ANKRD44: variants seen among roughly 807,000 people sequenced by gnomAD.
ANKRD44 encodes the protein serine/threonine-protein phosphatase 6 regulatory ankyrin repeat subunit B.
Under a neutral mutation model 116.0 loss-of-function variants are expected in ANKRD44, and 35 were observed. The observed-to-expected ratio is 0.30, with a 90% CI of 0.23 to 0.40. The LOEUF (loss-of-function observed/expected upper bound fraction) is 0.40. Ranked by LOEUF, ANKRD44 falls within the 10% of genes least tolerant of loss-of-function variation. ANKRD44 has a pLI of 1.00. For synonymous variants in ANKRD44, 435 were observed against 461.8 expected (o/e 0.94, Z 0.74); for missense variants, 1,014 against 1,242.6 (o/e 0.82, Z 2.77).
chr2:196,986,596 G>A (rs1446332455), downstream of ANKRD44: 1 of 566,990 alleles, frequency 1.8e-6, no homozygotes, highest in Non-Finnish European at 2.2e-6. Flanking sequence ...TTTGGCTTGA[G>A]GGGGTGCAAA....
intron 21 of ANKRD44, among the ~76,000 whole-genome samples, chr2:197,005,072 T>A (rs1042249195): frequency 6.6e-6 from 1 of 152,118 alleles, no homozygotes; most frequent in African/African-American, 2.4e-5. Flanking sequence ...ATTATTTATA[T>A]TTTCAAAGGA....
In ANKRD44 at chr2:197,119,175, AC is replaced by A. The variant is rs201827137; in HGVS notation, c.906+2156del. Among the ~76,000 whole-genome samples the A allele has an allele frequency of 3.6e-5, 3 of 82,228 alleles. No individual in the cohort carries two copies. The Admixed American group carries it at 4.8e-4, about 13-fold the overall frequency. The allele number at this position is 82,228 out of a possible 152,430, so 53.9% of individuals were successfully genotyped here. On this transcript the variant is annotated intron_variant, in intron 8 of 27. Coordinates refer to ENST00000282272, the MANE Select transcript of ANKRD44 (RefSeq NM_001195144.2). ...TTGTTTTGTTTTATAAATGTTTAAGACTTTTTTGTAGTCATATATATGATTA... is the reference window on the plus strand; with the variant it reads ...TTGTTTTGTTTTATAAATGTTTAAGATTTTTTGTAGTCATATATATGATTA...
intron 3 of ANKRD44, among the ~76,000 whole-genome samples, chr2:197,139,897 TGA>T (rs2079317931): frequency 7.6e-6 from 1 of 131,308 alleles, no homozygotes; most frequent in Non-Finnish European, 1.6e-5. Flanking sequence ...TGTGTGTGTG[TGA>T]AACGGAGTCT....
chr2:197,193,260 T>C (rs1282738255), intron 1 of ANKRD44, among the ~76,000 whole-genome samples: 1 of 152,182 alleles, frequency 6.6e-6, no homozygotes, highest in Non-Finnish European at 1.5e-5. Flanking sequence ...CTTTGGGTGT[T>C]TCTCTGCTCT....
chr2:197,066,288 C>T (rs1381468372), intron 16 of ANKRD44, among the ~76,000 whole-genome samples: 8 of 152,216 alleles, frequency 5.3e-5, no homozygotes, highest in African/African-American at 2.4e-5. Flanking sequence ...TGGGACATAT[C>T]TCAAAATATT....
chr2:197,271,702 C>G (rs1246306478), intron 1 of ANKRD44, among the ~76,000 whole-genome samples: 2 of 152,106 alleles, frequency 1.3e-5, no homozygotes, highest in African/African-American at 4.8e-5. Context: ...GCCTCAACCT[C>G]CTGGGCTCAA....
At chr2:197,031,657 G>A (rs182708627) in intron 16 of ANKRD44, among the ~76,000 whole-genome samples, 7 of 152,182 alleles carry the variant, frequency 4.6e-5, no homozygotes, top group Non-Finnish European at 7.4e-5. Flanking sequence ...ATGCTATGAT[G>A]TTAGGATTTT....
rs181960504 is a variant in ANKRD44 at position 197,274,930 on chromosome 2, T to A, written c.27+35648A>T. Among the ~76,000 whole-genome samples the A allele has an allele frequency of 2.0e-5, 3 of 151,610 alleles. 1 individual carries two copies. The East Asian group carries it at 5.9e-4, about 30-fold the overall frequency. On this transcript the variant is annotated intron_variant, in intron 1 of 27. Coordinates refer to ENST00000282272, the MANE Select transcript of ANKRD44 (RefSeq NM_001195144.2). ...GCAATATAGAGAAACCCCATCTCTA[T>A]GAAAAAAAAACAAAAACAAAAATTA...
chr2:197,176,050 A>G (rs184199520), intron 2 of ANKRD44, among the ~76,000 whole-genome samples: 95 of 152,094 alleles, frequency 6.2e-4, no homozygotes, highest in Non-Finnish European at 9.9e-4. Flanking sequence ...CTTCCTTCCC[A>G]CTAGTTGGAA....
At chr2:197,024,666 C>A (rs529025382) in intron 17 of ANKRD44, among the ~76,000 whole-genome samples, 7 of 152,298 alleles carry the variant, frequency 4.6e-5, no homozygotes, top group Admixed American at 1.3e-4. Flanking sequence ...TCACCCAGTA[C>A]AAGAATCAGA....
intron 1 of ANKRD44, among the ~76,000 whole-genome samples, chr2:197,224,552 T>G (rs922468978): frequency 6.6e-6 from 1 of 152,210 alleles, no homozygotes; most frequent in African/African-American, 2.4e-5. Context: ...GAATTGTCTT[T>G]TTTCCCCTTT....
intron 4 of ANKRD44, chr2:197,134,755 T>C (rs1449444372): frequency 2.0e-5 from 3 of 152,150 alleles, no homozygotes; most frequent in East Asian, 1.9e-4. Context: ...GAGGTACATA[T>C]TGAATTATTT....
intron 22 of ANKRD44, among the ~76,000 whole-genome samples, chr2:197,001,018 A>G (rs2076104505): frequency 6.6e-6 from 1 of 152,274 alleles, no homozygotes; most frequent in Admixed American, 6.5e-5. Context: ...AGCCTAGGCG[A>G]CAGAGCGAGA....
chr2:197,031,840 G>T (rs186586365), intron 16 of ANKRD44, among the ~76,000 whole-genome samples: 1 of 152,254 alleles, frequency 6.6e-6, no homozygotes, highest in Admixed American at 6.5e-5. Flanking sequence ...TTAGAAAAAT[G>T]AGAGTAAATG....
At chr2:197,167,333 C>T (rs2080122094) in intron 2 of ANKRD44, among the ~76,000 whole-genome samples, 2 of 152,140 alleles carry the variant, frequency 1.3e-5, no homozygotes, top group Middle Eastern at 3.4e-3. Flanking sequence ...ATAAAATATA[C>T]ATTTTAATTT....
At chr2:197,247,579 T>C (rs1441268747) in intron 1 of ANKRD44, among the ~76,000 whole-genome samples, 1 of 152,204 alleles carries the variant, frequency 6.6e-6, no homozygotes, top group African/African-American at 2.4e-5. Flanking sequence ...GTATCGTGCA[T>C]GAGAGGACAC....
At chr2:197,031,164 T>C (rs1327459666) in intron 16 of ANKRD44, among the ~76,000 whole-genome samples, 1 of 151,942 alleles carries the variant, frequency 6.6e-6, no homozygotes, top group Admixed American at 6.5e-5. Context: ...GACACTATTT[T>C]CTTTTTTTTT....
At chr2:197,016,593 A>C (rs2076396608) in intron 17 of ANKRD44, among the ~76,000 whole-genome samples, 1 of 152,236 alleles carries the variant, frequency 6.6e-6, no homozygotes, top group Non-Finnish European at 1.5e-5. Flanking sequence ...TTTCCAAACC[A>C]TGATCTGAAT....
At chr2:197,226,536 C>T (rs751180816) in intron 1 of ANKRD44, among the ~76,000 whole-genome samples, 4 of 152,000 alleles carry the variant, frequency 2.6e-5, no homozygotes, top group Non-Finnish European at 4.4e-5. Flanking sequence ...TGGTGGTGCA[C>T]GCCTGTAGTC....
Sources: gnomAD v4.1 joint callset for allele counts (sites outside exome capture counted in the v4.1 genomes callset) on GRCh38, gnomAD v4.1.1 for gene constraint, MANE v1.5 for transcripts, NCBI Gene and HGNC (gene_info 2026-07-23, HGNC 2026-07-21) for gene names.